Variants in PUM2 observed in about 807,000 individuals in gnomAD.
PUM2 encodes the protein pumilio homolog 2.
PUM2 carries 57 observed loss-of-function variants against 124.5 expected under a neutral mutation model. That is an observed-to-expected ratio of 0.46 (90% CI 0.37 to 0.57). The LOEUF is 0.57. Ranked by LOEUF, PUM2 falls within the 20% of genes least tolerant of loss-of-function variation. PUM2 has a pLI of 0.00. For synonymous variants in PUM2, 460 were observed against 446.1 expected (o/e 1.03, Z -0.39); for missense variants, 1,065 against 1,290.6 (o/e 0.83, Z 2.68).
chr2:20,310,871 C>T (rs916765710), intron 5 of PUM2, among the ~76,000 whole-genome samples: 11 of 151,726 alleles, frequency 7.2e-5, no homozygotes, highest in Non-Finnish European at 2.9e-5. Context: ...TAATCTAAGA[C>T]CAAAGGCTAA....
chr2:20,312,245 C>T lies in PUM2; in HGVS notation c.339G>A (p.Lys113=). The change falls in exon 4 of 21, where the codon AAG becomes AAA. Residue 113 remains lysine (K), a synonymous_variant. Coordinates refer to ENST00000361078, the MANE Select transcript of PUM2 (RefSeq NM_015317.5). Reference sequence around the variant, plus strand: ...TATTCAAAATACTTACAAAATTTCCCTTCCTAAATCGAGAATCCAATTTAT... The same window carrying T: ...TATTCAAAATACTTACAAAATTTCCTTTCCTAAATCGAGAATCCAATTTAT... ...PADKLDSRFR[K]GNFGTRDAET... is the part of the protein sequence containing the mutation. 6.3e-7 allele frequency: 1 copy of T among 1,595,068 alleles called. No homozygotes were observed. Among genetic ancestry groups the T allele is most frequent in the Non-Finnish European group, 8.6e-7 (1 of 1,169,040 alleles).
intron 9 of PUM2, among the ~76,000 whole-genome samples, chr2:20,292,438 C>T (rs902127233): frequency 6.6e-6 from 1 of 152,032 alleles, no homozygotes; most frequent in African/African-American, 2.4e-5. Context: ...TCTCAGCTCA[C>T]TGCAACCTCT....
At chr2:20,349,512 A>G (rs1338610794) in intron 1 of PUM2, among the ~76,000 whole-genome samples, 1 of 149,958 alleles carries the variant, frequency 6.7e-6, no homozygotes, top group East Asian at 1.9e-4. Flanking sequence ...GAAAATACTC[A>G]TTTTTGTTTT....
rs1218466247 is a variant in PUM2, at chr2:20,318,807, TCCC to T, written c.52-165_52-163del. Among the ~76,000 whole-genome samples, 16 of 152,326 alleles carry T rather than the reference TCCC, an allele frequency of 1.1e-4. No homozygotes were observed. In the East Asian group the frequency reaches 3.1e-3, roughly 29 times the overall value. ...GCTGTTTTGTTAATAGTAAATTAAC[TCCC>T]CATTTATTTTTGTGTGCTGGTGCTA... is the stretch of plus-strand genomic sequence containing the variant. On this transcript the variant is annotated intron_variant, in intron 2 of 20. Coordinates refer to ENST00000361078, the MANE Select transcript of PUM2 (RefSeq NM_015317.5).
intron 3 of PUM2, among the ~76,000 whole-genome samples, chr2:20,312,925 C>T (rs1679980020): frequency 6.6e-6 from 1 of 152,116 alleles, no homozygotes; most frequent in African/African-American, 2.4e-5. Context: ...CTATAGCCAC[C>T]TGATCTTTGA....
chr2:20,319,895 T>C (rs2148737760), intron 2 of PUM2, among the ~76,000 whole-genome samples: 1 of 152,236 alleles, frequency 6.6e-6, no homozygotes, highest in East Asian at 1.9e-4. Context: ...AGTTGTAAGT[T>C]TTAAGAATAA....
At chr2:20,321,343 G>C (rs370874405) in intron 2 of PUM2, among the ~76,000 whole-genome samples, 10 of 152,270 alleles carry the variant, frequency 6.6e-5, no homozygotes, top group Admixed American at 1.3e-4. Context: ...TGGGAAGCGG[G>C]GGGGAGGGGA....
At chr2:20,307,165 G>A (rs958002893) in intron 7 of PUM2, among the ~76,000 whole-genome samples, 7 of 152,008 alleles carry the variant, frequency 4.6e-5, no homozygotes, top group African/African-American at 2.4e-5. Flanking sequence ...GAAGTGAGCC[G>A]AGATTGCCCC....
chr2:20,314,074 A>T (rs1572877613), intron 3 of PUM2, among the ~76,000 whole-genome samples: 1 of 152,220 alleles, frequency 6.6e-6, no homozygotes, highest in African/African-American at 2.4e-5. Context: ...TGAGCCCGGG[A>T]GGTCAAGGCT....
At chr2:20,330,006 G>C (rs1452589424) in intron 1 of PUM2, among the ~76,000 whole-genome samples, 2 of 139,098 alleles carry the variant, frequency 1.4e-5, no homozygotes, top group Non-Finnish European at 3.1e-5. Context: ...AGATAAATAA[G>C]AAAAAAAAAA....
intron 3 of PUM2, among the ~76,000 whole-genome samples, chr2:20,314,082 G>A (rs1282185551): frequency 6.6e-6 from 1 of 152,082 alleles, no homozygotes; most frequent in Non-Finnish European, 1.5e-5. Flanking sequence ...GGAGGTCAAG[G>A]CTTTGGTGAG....
chr2:20,275,330 C>G (rs956836905), intron 13 of PUM2, among the ~76,000 whole-genome samples: 2 of 151,932 alleles, frequency 1.3e-5, no homozygotes, highest in African/African-American at 2.4e-5. Context: ...GATAAAAACA[C>G]GAGTCACCTT....
At chr2:20,280,137 C>T (rs867635294) in intron 12 of PUM2, among the ~76,000 whole-genome samples, 1 of 151,890 alleles carries the variant, frequency 6.6e-6, no homozygotes, top group Non-Finnish European at 1.5e-5. Flanking sequence ...ATAATACAGA[C>T]GGAAAACTTA....
At chr2:20,326,402 T>C in intron 2 of PUM2, 2 of 1,304,222 alleles carry the variant, frequency 1.5e-6, no homozygotes, top group Non-Finnish European at 2.0e-6. Context: ...AGCACAGCAT[T>C]GGATGGAGTG....
At chr2:20,344,999 A>AG (rs1439193046) in intron 1 of PUM2, among the ~76,000 whole-genome samples, 2 of 149,124 alleles carry the variant, frequency 1.3e-5, no homozygotes, top group Non-Finnish European at 3.0e-5. Flanking sequence ...AAAAAAAAAA[A>AG]AAAAAGAAAA....
In PUM2 at chr2:20,250,899, C is replaced by A. The variant is rs2148343801; in HGVS notation, c.*686G>T. On this transcript the variant is annotated 3_prime_UTR_variant, in exon 21 of 21. Transcript: ENST00000361078. Reference sequence around the variant, plus strand: ...CAACAATTACATATGTAAGTATATACAATATTTCTGTACATTGCCAGAGAC... The same window carrying A: ...CAACAATTACATATGTAAGTATATAAAATATTTCTGTACATTGCCAGAGAC... 1 of 152,640 alleles carries A rather than the reference C, an allele frequency of 6.6e-6. No homozygotes were observed. The allele number at this position is 152,640 out of a possible 1,614,324, so 9.5% of individuals were successfully genotyped here.
At position 20,280,685 on chromosome 2, in the gene PUM2, G is replaced by A. The variant is rs186425849; in HGVS notation, c.1721-1866C>T. 3.9e-3 allele frequency among the ~76,000 whole-genome samples: 596 copies of A among 152,184 alleles called. 2 individuals carry two copies. The highest frequency in any genetic ancestry group is 5.8e-3 in the Non-Finnish European group (395 of 67,980). On this transcript the variant is annotated intron_variant, in intron 12 of 20. Transcript: ENST00000361078. Reference sequence around the variant, plus strand: ...CAGAAATAACCTTAAATATAAAGAAGCTGGCTCTTTAAGTTTTACTATATG... The same window carrying A: ...CAGAAATAACCTTAAATATAAAGAAACTGGCTCTTTAAGTTTTACTATATG...
In PUM2 at chr2:20,248,830, A is replaced by G. The variant is rs531424590; in HGVS notation, c.*2755T>C. The G allele has an allele frequency of 1.8e-4, 27 of 152,820 alleles. No homozygotes were observed. The highest frequency in any genetic ancestry group is 1.3e-3 in the Admixed American group (20 of 15,312). The allele number at this position is 152,820 out of a possible 1,614,324, so 9.5% of individuals were successfully genotyped here. On this transcript the variant is annotated 3_prime_UTR_variant, in exon 21 of 21. Coordinates refer to ENST00000361078, the MANE Select transcript of PUM2 (RefSeq NM_015317.5). Reference sequence around the variant, plus strand: ...AGTTAACATTATTTCATATGAACCAATAAGAGCCAGGACTTAGACAAACTG... The same window carrying G: ...AGTTAACATTATTTCATATGAACCAGTAAGAGCCAGGACTTAGACAAACTG...
intron 14 of PUM2, among the ~76,000 whole-genome samples, chr2:20,261,096 A>G (rs1322684226): frequency 6.6e-6 from 1 of 152,144 alleles, no homozygotes; most frequent in Non-Finnish European, 1.5e-5. Flanking sequence ...GTCAGTTTAT[A>G]AAAGTATAGT....
Sources: gnomAD v4.1 joint callset for allele counts (sites outside exome capture counted in the v4.1 genomes callset) on GRCh38, gnomAD v4.1.1 for gene constraint, MANE v1.5 for transcripts, NCBI Gene and HGNC (gene_info 2026-07-23, HGNC 2026-07-21) for gene names.